Variants in FANCL observed in about 807,000 individuals in gnomAD.
FANCL encodes the protein FA complementation group L.
FANCL carries 69 observed loss-of-function variants against 59.4 expected under a neutral mutation model. That is an observed-to-expected ratio of 1.16 (90% CI 0.96 to 1.42). The LOEUF (loss-of-function observed/expected upper bound fraction) is 1.42, where lower values mean the gene tolerates loss of function less well. FANCL is among the 40% of genes most tolerant of loss of function. FANCL has a pLI of 0.00. For missense variants in FANCL, 519 were observed against 447.2 expected (o/e 1.16, Z -1.45); for synonymous variants, 180 against 147.1 (o/e 1.22, Z -1.62).
At chr2:58,169,534 A>C (rs1024472689) in intron 7 of FANCL, among the ~76,000 whole-genome samples, 3 of 152,132 alleles carry the variant, frequency 2.0e-5, no homozygotes, top group Non-Finnish European at 2.9e-5. Context: ...AAGGGAACAA[A>C]ACTGGACAGA....
At chr2:58,185,118 C>T (rs576571147) in intron 7 of FANCL, among the ~76,000 whole-genome samples, 66 of 152,078 alleles carry the variant, frequency 4.3e-4, no homozygotes, top group African/African-American at 1.4e-3. Context: ...GGAAATATTC[C>T]CTGATATGGA....
chr2:58,226,388 A>T (rs1317706628), intron 4 of FANCL, among the ~76,000 whole-genome samples: 1 of 152,182 alleles, frequency 6.6e-6, no homozygotes, highest in Non-Finnish European at 1.5e-5. Flanking sequence ...TTATTTATAC[A>T]TCATATTATA....
At chr2:58,214,071 A>C (rs1342698385) in intron 5 of FANCL, among the ~76,000 whole-genome samples, 2 of 152,220 alleles carry the variant, frequency 1.3e-5, no homozygotes, top group Non-Finnish European at 2.9e-5. Flanking sequence ...TATTTATCCT[A>C]AAATTTATCC....
At chr2:58,195,153 G>C (rs1689306609) in intron 7 of FANCL, among the ~76,000 whole-genome samples, 1 of 151,980 alleles carries the variant, frequency 6.6e-6, no homozygotes, top group African/African-American at 2.4e-5. Context: ...AAGCAGAATT[G>C]TTTTCAGCCA....
chr2:58,198,452 C>T (rs945600646), intron 7 of FANCL, 142 bp downstream of exon 7: 2 of 658,550 alleles, frequency 3.0e-6, no homozygotes, highest in African/African-American at 3.7e-5. Context: ...AACAAAGTCC[C>T]ATTTATATAA....
rs538741030 is a variant in FANCL, at chr2:58,210,156, T to G, written c.375-5930A>C. 7.2e-5 allele frequency among the ~76,000 whole-genome samples: 11 copies of G among 152,322 alleles called. No individual in the cohort carries two copies. The East Asian group carries it at 2.1e-3, about 29-fold the overall frequency. ...TGATTATTACAATAAATGTATCTTA[T>G]AAAGTGTATTAGTCTGTTTTCATGC... is the stretch of plus-strand genomic sequence containing the variant. On this transcript the variant is annotated intron_variant, in intron 5 of 13. Coordinates refer to ENST00000233741, the MANE Select transcript of FANCL (RefSeq NM_018062.4).
At chr2:58,184,404 G>A (rs191467298) in intron 7 of FANCL, among the ~76,000 whole-genome samples, 258 of 152,084 alleles carry the variant, frequency 1.7e-3, no homozygotes, top group African/African-American at 6.0e-3. Context: ...AACTGCAATA[G>A]TCAATAAACT....
chr2:58,225,205 T>C (rs537479025), intron 4 of FANCL, among the ~76,000 whole-genome samples: 2 of 150,864 alleles, frequency 1.3e-5, no homozygotes, highest in South Asian at 4.2e-4. Context: ...TATATAAAAA[T>C]CTATGAGTTC....
chr2:58,180,494 T>C (rs1449585379), intron 7 of FANCL, among the ~76,000 whole-genome samples: 1 of 151,816 alleles, frequency 6.6e-6, no homozygotes, highest in African/African-American at 2.4e-5. Flanking sequence ...ACTCATAAGC[T>C]GGAGTTGAAC....
intron 7 of FANCL, among the ~76,000 whole-genome samples, chr2:58,174,668 T>G (rs1350860073): frequency 2.0e-5 from 3 of 152,038 alleles, no homozygotes; most frequent in Non-Finnish European, 4.4e-5. Context: ...TAGCACTAAA[T>G]GCCCACAAGA....
intron 5 of FANCL, among the ~76,000 whole-genome samples, chr2:58,217,207 TATATATATACACACACACACAC>T (rs1237057583): frequency 1.9e-4 from 2 of 10,702 alleles, no homozygotes; most frequent in African/African-American, 6.9e-4. Context: ...TATATATATA[TATATATATACACACACACACAC>T]ACACACACAC....
Position 58,221,955 on chromosome 2 carries a change from G to A in FANCL, c.361C>T (p.Leu121Phe), listed in dbSNP as rs758757153. Residue 121 changes from leucine (L) to phenylalanine (F), a missense_variant, in exon 5 of 14, where the codon CTT (leucine) becomes TTT (phenylalanine). Coordinates refer to ENST00000233741, the MANE Select transcript of FANCL (RefSeq NM_018062.4). ...AAACAGACATACTTATCCCAACCAAGAGTTCCTATCTCTTCAATAAGGCTT... is the reference window on the plus strand; with the variant it reads ...AAACAGACATACTTATCCCAACCAAAAGTTCCTATCTCTTCAATAAGGCTT... ...YSSLIEEIGT[L>F]GWDKLVYADT... 1.2e-6 allele frequency: 2 copies of A among 1,610,120 alleles called. No homozygotes were observed. Among genetic ancestry groups the A allele is most frequent in the African/African-American group, 1.3e-5 (1 of 74,964 alleles).
intron 5 of FANCL, 59 bp from the exon 6 acceptor site, chr2:58,204,285 G>C: frequency 1.7e-6 from 2 of 1,191,402 alleles, no homozygotes; most frequent in Non-Finnish European, 2.5e-6. Context: ...GAGGGGAACT[G>C]GAGATGGTTG....
intron 1 of FANCL, among the ~76,000 whole-genome samples, chr2:58,232,536 T>C (rs1167271325): frequency 1.3e-5 from 2 of 152,092 alleles, no homozygotes; most frequent in East Asian, 1.9e-4. Context: ...TAACATTATA[T>C]AGTCGTTTTC....
At chr2:58,172,390 C>A (rs1189994933) in intron 7 of FANCL, among the ~76,000 whole-genome samples, 4 of 152,170 alleles carry the variant, frequency 2.6e-5, no homozygotes, top group Non-Finnish European at 5.9e-5. Flanking sequence ...GCCAGGTACT[C>A]CTCTGAGACA....
chr2:58,235,801 G>A (rs1307394515), intron 1 of FANCL, among the ~76,000 whole-genome samples: 1 of 151,956 alleles, frequency 6.6e-6, no homozygotes, highest in East Asian at 1.9e-4. Context: ...ATAGAGACAG[G>A]AAAGATGTAA....
intron 7 of FANCL, among the ~76,000 whole-genome samples, chr2:58,175,942 A>G (rs959635008): frequency 6.6e-6 from 1 of 152,174 alleles, no homozygotes; most frequent in African/African-American, 2.4e-5. Flanking sequence ...AAGTCTCAGG[A>G]TACAAAATCA....
intron 5 of FANCL, among the ~76,000 whole-genome samples, chr2:58,215,641 G>GGCA: frequency 6.6e-6 from 1 of 151,836 alleles, no homozygotes; most frequent in Non-Finnish European, 1.5e-5. Context: ...TATCAATTCT[G>GGCA]GCACAGGGCA....
At position 58,186,867 on chromosome 2, in the gene FANCL, A is replaced by G. The variant is rs144914389; in HGVS notation, c.540+11727T>C. 5.9e-3 allele frequency among the ~76,000 whole-genome samples: 903 copies of G among 152,326 alleles called. 11 individuals carry two copies. The highest frequency in any genetic ancestry group is 0.02 in the African/African-American group (842 of 41,566). ...CTGCAAAAATCAAAACCAGAATGAGATATCATCTCACACCAGTTAGAATGG... is the reference window on the plus strand; with the variant it reads ...CTGCAAAAATCAAAACCAGAATGAGGTATCATCTCACACCAGTTAGAATGG... On this transcript the variant is annotated intron_variant, in intron 7 of 13. Coordinates refer to ENST00000233741, the MANE Select transcript of FANCL (RefSeq NM_018062.4).
Sources: gnomAD v4.1 joint callset for allele counts (sites outside exome capture counted in the v4.1 genomes callset) on GRCh38, gnomAD v4.1.1 for gene constraint, MANE v1.5 for transcripts, NCBI Gene and HGNC (gene_info 2026-07-23, HGNC 2026-07-21) for gene names.